The following ZEB2 variants were observed in gnomAD, a reference collection of about 807,000 sequenced individuals.
ZEB2 encodes the protein zinc finger E-box binding homeobox 2.
In ZEB2, 6 loss-of-function variants were observed where a neutral mutation model predicts 99.9. The observed-to-expected ratio is 0.06, with a 90% CI of 0.03 to 0.12. ZEB2 has a LOEUF of 0.12. Ranked by LOEUF, ZEB2 falls within the 10% of genes least tolerant of loss-of-function variation. The probability of loss-of-function intolerance (pLI) is 1.00; values close to 1 mark genes in which losing one functional copy is unlikely to be tolerated. For missense variants in ZEB2, 969 were observed against 1,502.8 expected, an observed-to-expected ratio of 0.64 and a Z score of 5.87; for synonymous variants, 517 against 542.5, an observed-to-expected ratio of 0.95 and a Z score of 0.65.
intron 2 of ZEB2, among the ~76,000 whole-genome samples, chr2:144,483,841 G>A (rs1704553942): frequency 1.3e-5 from 2 of 152,136 alleles, no homozygotes; most frequent in Admixed American, 6.5e-5. Context: ...TGTTCTAAAT[G>A]GGGCTGATTT....
intron 2 of ZEB2, among the ~76,000 whole-genome samples, chr2:144,460,604 T>C (rs554548343): frequency 6.6e-6 from 1 of 152,250 alleles, no homozygotes; most frequent in African/African-American, 2.4e-5. Context: ...ATCTTAAGTG[T>C]AACACTGAGA....
chr2:144,416,699 C>G (rs1703544213), intron 4 of ZEB2, among the ~76,000 whole-genome samples: 1 of 152,196 alleles, frequency 6.6e-6, no homozygotes, highest in Admixed American at 6.5e-5. Context: ...TAACCCACTC[C>G]ATCTTTCACC....
intron 2 of ZEB2, among the ~76,000 whole-genome samples, chr2:144,439,133 G>GAAAAAAAAAAAAAAAAAAAAAAAA (rs1174940162): frequency 2.5e-5 from 2 of 79,700 alleles, no homozygotes. Context: ...CTGGGAGGAA[G>GAAAAAAAAAAAAAAAAAAAAAAAA]AAAAAAAAAA....
chr2:144,395,420 C>G (rs867911604), intron 9 of ZEB2, among the ~76,000 whole-genome samples: 2 of 151,964 alleles, frequency 1.3e-5, no homozygotes, highest in South Asian at 4.1e-4. Flanking sequence ...TGATACTAGA[C>G]TTCCTGGTTT....
rs1348740028 is a variant in ZEB2, at chr2:144,398,975, A to G, written c.2212T>C (p.Ser738Pro). The change falls in exon 8 of 10, where the codon TCC (serine) becomes CCC (proline). Residue 738 changes from serine to proline, a missense_variant. Physicochemically the swap from Ser to Pro is moderately conservative, Grantham distance 74. Around this residue, in one of 8 missense-constraint regions of ZEB2, gnomAD observed 346 missense variants for 460.0 expected, o/e 0.75. Coordinates refer to ENST00000627532, the MANE Select transcript of ZEB2 (RefSeq NM_014795.4). ...LPRSPVKPMDSITSPSIAELH... is the reference protein window; with the variant it reads ...LPRSPVKPMDPITSPSIAELH... Reference sequence around the variant, plus strand: ...TCTGCTATAGATGGTGATGTTATGGAGTCCATAGGTTTTACAGGAGACCTG... The same window carrying G: ...TCTGCTATAGATGGTGATGTTATGGGGTCCATAGGTTTTACAGGAGACCTG... The G allele has an allele frequency of 6.2e-7, 1 of 1,614,170 alleles. No homozygotes were observed. The highest frequency in any genetic ancestry group is 1.7e-5 in the Admixed American group (1 of 60,022).
chr2:144,483,742 G>C (rs563649750), intron 2 of ZEB2, among the ~76,000 whole-genome samples: 1 of 152,126 alleles, frequency 6.6e-6, no homozygotes, highest in Non-Finnish European at 1.5e-5. Flanking sequence ...AGTGAGTCAG[G>C]AGCCAAACCA....
intron 4 of ZEB2, among the ~76,000 whole-genome samples, chr2:144,411,223 A>G (rs577044831): frequency 6.6e-6 from 1 of 151,290 alleles, no homozygotes; most frequent in South Asian, 2.1e-4. Context: ...TGCTTACTTC[A>G]CTATGAAAGG....
In ZEB2 at chr2:144,404,884, C is replaced by T; in HGVS notation, c.544G>A (p.Glu182Lys). 6.2e-7 allele frequency: 1 copy of T among 1,614,236 alleles called. No homozygotes were observed. Among genetic ancestry groups the T allele is most frequent in the Non-Finnish European group, 8.5e-7 (1 of 1,180,038 alleles). The change falls in exon 5 of 10, where the codon GAG becomes AAG. Residue 182 changes from glutamate (E) to lysine (K), a missense_variant. Around this residue, in one of 8 missense-constraint regions of ZEB2, gnomAD observed 65 missense variants for 147.7 expected, o/e 0.44. Coordinates refer to ENST00000627532, the MANE Select transcript of ZEB2 (RefSeq NM_014795.4). ...TCTGGCGTGCCAAGGCGAGACAGCT[C>T]CTCAGGGGCTTCTGGGTAAATAATG... ...TAIIYPEAPE[E>K]LSRLGTPEAN...
chr2:144,463,419 T>C (rs995683632), intron 2 of ZEB2: 8 of 152,156 alleles, frequency 5.3e-5, no homozygotes, highest in Admixed American at 2.0e-4. Context: ...CTCCGTCACA[T>C]TGGCTATTTA....
At chr2:144,485,434 T>C (rs1377477259) in intron 2 of ZEB2, among the ~76,000 whole-genome samples, 4 of 152,202 alleles carry the variant, frequency 2.6e-5, no homozygotes, top group Non-Finnish European at 5.9e-5. Flanking sequence ...GGGATTCTTT[T>C]AAAAAATATA....
chr2:144,515,737 T>C (rs1274494851), intron 2 of ZEB2, among the ~76,000 whole-genome samples: 1 of 148,454 alleles, frequency 6.7e-6, no homozygotes, highest in Non-Finnish European at 1.5e-5. Flanking sequence ...GCTCGACACC[T>C]CCACCACAAC....
chr2:144,395,300 A>G (rs920722360), intron 9 of ZEB2, among the ~76,000 whole-genome samples: 2 of 151,924 alleles, frequency 1.3e-5, no homozygotes, highest in Admixed American at 1.3e-4. Context: ...CGCCTGGCTC[A>G]TATTCCCTTT....
chr2:144,507,833 T>C (rs894488537), intron 2 of ZEB2, among the ~76,000 whole-genome samples: 4 of 152,224 alleles, frequency 2.6e-5, no homozygotes, highest in African/African-American at 9.6e-5. Flanking sequence ...AGACAAAGTT[T>C]AACTTCTGGG....
intron 8 of ZEB2, 123 bp downstream of exon 8, chr2:144,398,178 T>C (rs146347048): frequency 1.7e-5 from 22 of 1,305,290 alleles, no homozygotes; most frequent in Admixed American, 4.0e-5. Context: ...TTTAGGTTCA[T>C]GTTAAAGCAA....
intron 2 of ZEB2, chr2:144,430,401 G>T: frequency 3.4e-6 from 1 of 296,402 alleles, no homozygotes. Context: ...TTAGAGACAT[G>T]AAGTATTTAC....
chr2:144,510,342 C>CTGGGCTGGGGG (rs1705013940), intron 2 of ZEB2, among the ~76,000 whole-genome samples: 1 of 152,080 alleles, frequency 6.6e-6, no homozygotes, highest in African/African-American at 2.4e-5. Flanking sequence ...GTCTCCAGCT[C>CTGGGCTGGGGG]GCCCGTCCCT....
chr2:144,436,518 G>C (rs1441388319), intron 2 of ZEB2, among the ~76,000 whole-genome samples: 1 of 152,158 alleles, frequency 6.6e-6, no homozygotes, highest in South Asian at 2.1e-4. Context: ...AGTGGAGAGA[G>C]GCCAGTTCTG....
In ZEB2 at chr2:144,490,788, C is replaced by T. The variant is rs544671291; in HGVS notation, c.73+26490G>A. Among the ~76,000 whole-genome samples the T allele has an allele frequency of 1.6e-4, 25 of 152,316 alleles. No homozygotes were observed. The East Asian group carries it at 4.2e-3, about 26-fold the overall frequency. ...TCGCACTCATTTTTTAAGGGCTTTTCGGACTATACTGGTATTTCCCATTCT... is the reference window on the plus strand; with the variant it reads ...TCGCACTCATTTTTTAAGGGCTTTTTGGACTATACTGGTATTTCCCATTCT... On this transcript the variant is annotated intron_variant, in intron 2 of 9. Transcript: ENST00000627532.
At chr2:144,397,250 A>T (rs1703242141) in intron 8 of ZEB2, among the ~76,000 whole-genome samples, 1 of 152,240 alleles carries the variant, frequency 6.6e-6, no homozygotes, top group Non-Finnish European at 1.5e-5. Context: ...AACTTGCATG[A>T]TAACATACAT....
Sources: gnomAD v4.1 joint callset for allele counts (sites outside exome capture counted in the v4.1 genomes callset) on GRCh38, gnomAD v4.1.1 for gene constraint, gnomAD v4.1.1 regional missense constraint, MANE v1.5 for transcripts, NCBI Gene and HGNC (gene_info 2026-07-23, HGNC 2026-07-21) for gene names.